Variants in METTL8 observed in about 807,000 individuals in gnomAD.
The protein encoded by METTL8 is tRNA N(3)-cytidine methyltransferase METTL8, mitochondrial.
METTL8 carries 32 observed loss-of-function variants against 48.7 expected under a neutral mutation model. That is an observed-to-expected ratio of 0.66 (90% CI 0.50 to 0.88). The LOEUF (loss-of-function observed/expected upper bound fraction) is 0.88. METTL8 is among the 40% of genes least tolerant of loss of function. The pLI is 0.00. For missense variants in METTL8, 464 were observed against 474.4 expected (o/e 0.98, Z 0.20); for synonymous variants, 136 against 157.1 (o/e 0.87, Z 1.01).
rs142001053 is a variant in METTL8 at position 171,425,207 on chromosome 2, C to T, written c.-13+8676G>A. 9.2e-3 allele frequency among the ~76,000 whole-genome samples: 1,404 copies of T among 152,310 alleles called. 25 individuals are homozygous for T. Among genetic ancestry groups the T allele is most frequent in the African/African-American group, 0.032 (1,317 of 41,556 alleles). On this transcript the variant is annotated intron_variant, in intron 1 of 9. Transcript: ENST00000375258. ...CTCTTCCCTTTATAAATTACCCAGT[C>T]TCAGGTATGTCTTTATTAGCAGTGT...
chr2:171,350,853 C>T (rs1415747017), intron 3 of METTL8, among the ~76,000 whole-genome samples: 5 of 152,154 alleles, frequency 3.3e-5, no homozygotes, highest in African/African-American at 1.2e-4. Context: ...TTCACAGATT[C>T]TGGATATTAG....
intron 1 of METTL8, chr2:171,414,612 C>T (rs1691105749): frequency 6.6e-6 from 1 of 151,506 alleles, no homozygotes; most frequent in Non-Finnish European, 1.5e-5. Context: ...CCTGTGGTCC[C>T]AGCTTCTTGG....
chr2:171,393,527 T>TG (rs1688782223), intron 1 of METTL8, among the ~76,000 whole-genome samples: 2 of 152,178 alleles, frequency 1.3e-5, no homozygotes, highest in Non-Finnish European at 2.9e-5. Flanking sequence ...TATGTCATCT[T>TG]AATTATGTAC....
intron 3 of METTL8, among the ~76,000 whole-genome samples, chr2:171,341,464 C>A (rs1319288660): frequency 2.0e-5 from 3 of 151,946 alleles, no homozygotes; most frequent in African/African-American, 7.3e-5. Context: ...GTCTCAAACT[C>A]CTGACCTCAA....
rs145832629 is a variant in METTL8, at chr2:171,427,885, C to T, written c.-13+5998G>A. Among the ~76,000 whole-genome samples, 308 of 152,236 alleles carry T rather than the reference C, an allele frequency of 2.0e-3. 1 individual carries two copies. The highest frequency in any genetic ancestry group is 7.2e-3 in the African/African-American group (299 of 41,544). On this transcript the variant is annotated intron_variant, in intron 1 of 9. Coordinates refer to ENST00000375258, the MANE Select transcript of METTL8 (RefSeq NM_001321154.2). The stretch of plus-strand genomic sequence containing the variant: ...TCCCCTGCACATTATGGATGAAAAA[C>T]AAAAACATGTTGAACAAATGACTTC...
At chr2:171,343,859 G>A (rs1023504145) in intron 3 of METTL8, among the ~76,000 whole-genome samples, 4 of 152,126 alleles carry the variant, frequency 2.6e-5, no homozygotes, top group African/African-American at 7.2e-5. Context: ...TCAGATTGCC[G>A]TTTTAAACAT....
At chr2:171,380,703 G>T (rs1687434024) in intron 2 of METTL8, among the ~76,000 whole-genome samples, 1 of 152,000 alleles carries the variant, frequency 6.6e-6, no homozygotes. Context: ...GGCATGAAGG[G>T]CCTCTTCAAG....
At chr2:171,348,935 C>T (rs1292189148) in intron 3 of METTL8, among the ~76,000 whole-genome samples, 1 of 152,076 alleles carries the variant, frequency 6.6e-6, no homozygotes, top group Non-Finnish European at 1.5e-5. Flanking sequence ...CCCAGCTGTG[C>T]AATGAGGATG....
At chr2:171,327,776 G>A (rs541661223) in intron 7 of METTL8, among the ~76,000 whole-genome samples, 1 of 152,228 alleles carries the variant, frequency 6.6e-6, no homozygotes, top group Non-Finnish European at 1.5e-5. Context: ...TTTATTACAG[G>A]TTATTTTCAT....
At position 171,392,052 on chromosome 2, in the gene METTL8, T is replaced by G; in HGVS notation, c.134A>C (p.His45Pro). The G allele has an allele frequency of 6.4e-7, 1 of 1,551,266 alleles. No homozygotes were observed. The highest frequency in any genetic ancestry group is 8.7e-7 in the Non-Finnish European group (1 of 1,146,868). ...ILTDPAKVFE[H>P]NMWDHMQWSK... Reference sequence around the variant, plus strand: ...TAAAAAGAAAACTCACCACATGTTGTGTTCAAAAACTTTGGCTGGGTCAGT... The same window carrying G: ...TAAAAAGAAAACTCACCACATGTTGGGTTCAAAAACTTTGGCTGGGTCAGT... Residue 45 changes from histidine (H) to proline (P), a missense_variant, in exon 2 of 10, where the codon CAC (histidine) becomes CCC (proline). Physicochemically the swap from His to Pro is moderately conservative, Grantham distance 77. Coordinates refer to ENST00000375258, the MANE Select transcript of METTL8 (RefSeq NM_001321154.2).
chr2:171,330,966 T>C (rs1314267023), intron 6 of METTL8, among the ~76,000 whole-genome samples: 1 of 152,152 alleles, frequency 6.6e-6, no homozygotes, highest in African/African-American at 2.4e-5. Context: ...TCTGAGTTAG[T>C]AGACAGTGTT....
rs557044653 is a variant in METTL8 at position 171,365,472 on chromosome 2, C to T, written c.144-4959G>A. Among the ~76,000 whole-genome samples the T allele has an allele frequency of 3.4e-4, 52 of 152,228 alleles. 1 individual carries two copies. Among genetic ancestry groups the T allele is most frequent in the Admixed American group, 2.4e-3 (37 of 15,280 alleles). On this transcript the variant is annotated intron_variant, in intron 2 of 9. Transcript: ENST00000375258. ...TGTAAACCAATAAATTGGGTGGAGGCCGAGAGCTCAGGGCCGTGAGCAAGC... is the reference window on the plus strand; with the variant it reads ...TGTAAACCAATAAATTGGGTGGAGGTCGAGAGCTCAGGGCCGTGAGCAAGC...
chr2:171,369,778 T>C (rs765510902), intron 2 of METTL8, among the ~76,000 whole-genome samples: 49 of 152,066 alleles, frequency 3.2e-4, no homozygotes, highest in Non-Finnish European at 1.2e-4. Flanking sequence ...CAAAAAATTA[T>C]TCAATTAGGC....
intron 1 of METTL8, among the ~76,000 whole-genome samples, chr2:171,429,391 G>A (rs1692748533): frequency 6.6e-6 from 1 of 152,180 alleles, no homozygotes; most frequent in African/African-American, 2.4e-5. Context: ...AAGAAAAGAG[G>A]TGAAGGCATC....
At chr2:171,389,514 CAAAAAAAAAAAA>C (rs56087323) in intron 2 of METTL8, among the ~76,000 whole-genome samples, 2,890 of 52,306 alleles carry the variant, frequency 0.055, 48 homozygotes, top group Non-Finnish European at 0.071. Context: ...CCCTGTCTCA[CAAAAAAAAAAAA>C]AAAAAAAAAA....
intron 3 of METTL8, among the ~76,000 whole-genome samples, chr2:171,344,090 T>C (rs1687042060): frequency 6.6e-6 from 1 of 152,130 alleles, no homozygotes; most frequent in South Asian, 2.1e-4. Flanking sequence ...AATCAGATAA[T>C]TACATAAATT....
chr2:171,331,264 C>T (rs1275829875), intron 6 of METTL8, among the ~76,000 whole-genome samples: 7 of 152,078 alleles, frequency 4.6e-5, no homozygotes, highest in Non-Finnish European at 1.0e-4. Flanking sequence ...GCACCCACCA[C>T]CATGCCCAGC....
At chr2:171,346,513 CAG>C (rs890717230) in intron 3 of METTL8, among the ~76,000 whole-genome samples, 4 of 152,304 alleles carry the variant, frequency 2.6e-5, no homozygotes, top group Non-Finnish European at 5.9e-5. Context: ...CTGAGACACA[CAG>C]AGACCAAAAG....
chr2:171,387,357 A>C (rs536057513), intron 2 of METTL8, among the ~76,000 whole-genome samples: 1 of 152,056 alleles, frequency 6.6e-6, no homozygotes, highest in East Asian at 1.9e-4. Context: ...CCCATCGCAC[A>C]TCCAGCGAGG....
Sources: allele counts gnomAD v4.1 joint callset (sites outside exome capture counted in the v4.1 genomes callset), GRCh38; gene constraint gnomAD v4.1.1; transcripts MANE v1.5; gene names NCBI Gene and HGNC (gene_info 2026-07-23, HGNC 2026-07-21).